Variants in STUB1 observed in about 807,000 individuals in gnomAD.
STUB1 encodes E3 ubiquitin-protein ligase CHIP.
In STUB1, 37 loss-of-function variants were observed where a neutral mutation model predicts 40.3. The observed-to-expected ratio is 0.92, with a 90% CI of 0.71 to 1.21. The LOEUF (loss-of-function observed/expected upper bound fraction) is 1.21. STUB1 is among the 50% of genes most tolerant of loss of function. STUB1 has a pLI of 0.00. For synonymous variants in STUB1, 246 were observed against 171.9 expected (o/e 1.43, Z -3.37); for missense variants, 460 against 421.9 (o/e 1.09, Z -0.79).
At chr16:681,100 T>G (rs2039643030) in intron 1 of STUB1, 52 bp from the exon 2 acceptor site, 1 of 1,512,142 alleles carries the variant, frequency 6.6e-7, no homozygotes, top group South Asian at 1.2e-5. Context: ...TGGGTCAGAG[T>G]GGGCACGCTG....
Position 682,521 on chromosome 16 carries a change from G to A in STUB1, c.*32G>A, listed in dbSNP as rs769967480. 2 of 1,612,090 alleles carry A rather than the reference G, an allele frequency of 1.2e-6. No individual in the cohort carries two copies. Among genetic ancestry groups the A allele is most frequent in the Non-Finnish European group, 8.5e-7 (1 of 1,179,526 alleles). On this transcript the variant is annotated 3_prime_UTR_variant, in exon 7 of 7. Coordinates refer to ENST00000219548, the MANE Select transcript of STUB1 (RefSeq NM_005861.4). ...CTGCCCTACCTGGCGTCCTGGTCCA[G>A]GGGAGCCCTGGGCAGAAGCCCCCGG...
Position 681,812 on chromosome 16 carries a change from C to T in STUB1, c.544C>T (p.Arg182Ter), listed in dbSNP as rs369941408. 3.1e-6 allele frequency: 5 copies of T among 1,602,498 alleles called. No homozygotes were observed. The highest frequency in any genetic ancestry group is 4.3e-6 in the Non-Finnish European group (5 of 1,172,356). Residue 182 changes from arginine to a stop codon, truncating the protein, a stop_gained, in exon 4 of 7, where the codon CGA becomes TGA. Transcript: ENST00000219548. LOFTEE classifies it high-confidence loss of function. ...CCCCAGGGAGCTGGAAGAGTGCCAG[C>T]GAAACCACGAGGGTGATGAGGACGA... ...ERERELEECQ[R>*]NHEGDEDDSH...
chr16:681,836 G>C lies in STUB1; in HGVS notation c.568G>C (p.Asp190His). ...CQRNHEGDED[D>H]SHVRAQQACI... ...GCGAAACCACGAGGGTGATGAGGAC[G>C]ACAGCCACGTCCGGGCCCAGCAGGC... is the stretch of plus-strand genomic sequence containing the variant. Residue 190 changes from aspartate to histidine, a missense_variant, in exon 4 of 7, where the codon GAC becomes CAC. Transcript: ENST00000219548. 1.9e-6 allele frequency: 3 copies of C among 1,610,856 alleles called. No homozygotes were observed. Among genetic ancestry groups the C allele is most frequent in the Non-Finnish European group, 2.5e-6 (3 of 1,178,548 alleles).
Position 681,148 on chromosome 16 carries a change from C to T in STUB1, c.160-4C>T, listed in dbSNP as rs769412843. 1.3e-4 allele frequency: 196 copies of T among 1,553,154 alleles called. No individual in the cohort carries two copies. The highest frequency in any genetic ancestry group is 1.7e-4 in the Non-Finnish European group (195 of 1,148,682). On this transcript the variant is annotated splice_region_variant and splice_polypyrimidine_tract_variant and intron_variant, in intron 1 of 6. Transcript: ENST00000219548. ...CATGCGGCTGGCCCGGCCTTGGTCCCTAGACCCGGAACCCGCTGGTGGCCG... is the reference window on the plus strand; with the variant it reads ...CATGCGGCTGGCCCGGCCTTGGTCCTTAGACCCGGAACCCGCTGGTGGCCG...
chr16:682,760 G>GGT lies in STUB1; in HGVS notation c.*277_*278dup. ...CCGTGAGCACGAGGTGGGACGTGCTGGTGTGTGACCGGCAGTCCTGCCAGC... is the reference window on the plus strand; with the variant it reads ...CCGTGAGCACGAGGTGGGACGTGCTGGTGTGTGTGACCGGCAGTCCTGCCAGC... On this transcript the variant is annotated 3_prime_UTR_variant, in exon 7 of 7. Transcript: ENST00000219548. 1 of 1,607,572 alleles carries GGT rather than the reference G, an allele frequency of 6.2e-7. No individual in the cohort carries two copies.
At chr16:682,137 C>A in intron 5 of STUB1, 28 bp from the exon 6 acceptor site, 1 of 1,593,238 alleles carries the variant, frequency 6.3e-7, no homozygotes, top group Non-Finnish European at 8.6e-7. Context: ...CCCTTTTCAG[C>A]CTCTGACCGT....
chr16:680,807 G>A lies in STUB1; in HGVS notation c.159+123G>A, dbSNP rs528795206. ...GCGTGTCCTCGGCTCCCAAAGCCCA[G>A]CCGTGGTTCTCGAGCCCAGCGCCGG... On this transcript the variant is annotated intron_variant, in intron 1 of 6. Transcript: ENST00000219548. The surrounding 1 kb of genome is among the most constrained non-coding windows in gnomAD (Gnocchi z 4.9). 76 of 1,001,018 alleles carry A rather than the reference G, an allele frequency of 7.6e-5. No homozygotes were observed. The Middle Eastern group carries it at 1.8e-3, about 24-fold the overall frequency. The allele number at this position is 1,001,018 out of a possible 1,614,324, so 62.0% of individuals were successfully genotyped here.
Position 682,569 on chromosome 16 carries a change from C to G in STUB1, c.*80C>G, listed in dbSNP as rs1397544834. On this transcript the variant is annotated 3_prime_UTR_variant, in exon 7 of 7. Coordinates refer to ENST00000219548, the MANE Select transcript of STUB1 (RefSeq NM_005861.4). ...CGGCCCCTATACATAGTTTATGTTCCTGGCCACCCCGACCGCTTCCCCCAA... is the reference window on the plus strand; with the variant it reads ...CGGCCCCTATACATAGTTTATGTTCGTGGCCACCCCGACCGCTTCCCCCAA... 4 of 1,579,278 alleles carry G rather than the reference C, an allele frequency of 2.5e-6. No individual in the cohort carries two copies. Among genetic ancestry groups the G allele is most frequent in the African/African-American group, 1.3e-5 (1 of 74,378 alleles).
chr16:682,168 C>A lies in STUB1; in HGVS notation c.673C>A (p.Arg225=). Residue 225 remains arginine (R), a synonymous_variant, in exon 6 of 7, where the codon CGA becomes AGA. Coordinates refer to ENST00000219548, the MANE Select transcript of STUB1 (RefSeq NM_005861.4). ...ACCGTGTGCCCCTGTGCCACAGAAG[C>A]GAGACATCCCCGACTACCTGTGTGG... ...FSQVDEKRKK[R]DIPDYLCGKI... is the part of the protein sequence containing the mutation. The A allele has an allele frequency of 1.9e-6, 3 of 1,604,618 alleles. No homozygotes were observed. The South Asian group carries it at 3.3e-5, about 18-fold the overall frequency.
rs745809042 is a variant in STUB1 at position 682,085 on chromosome 16, G to T, written c.669+9G>T. On this transcript the variant is annotated intron_variant, in intron 5 of 6. Coordinates refer to ENST00000219548, the MANE Select transcript of STUB1 (RefSeq NM_005861.4). ...TGGATGAGAAGAGGAAGGTGAGTGT[G>T]TGTCGCTTGCTGCCGATGGCTGGCA... is the stretch of plus-strand genomic sequence containing the variant. 5.7e-6 allele frequency: 9 copies of T among 1,581,836 alleles called. No homozygotes were observed. In the Admixed American group the frequency reaches 1.2e-4, roughly 21 times the overall value.
rs894652364 is a variant in STUB1, at chr16:682,552, A to G, written c.*63A>G. 3.1e-6 allele frequency: 5 copies of G among 1,601,936 alleles called. No homozygotes were observed. The highest frequency in any genetic ancestry group is 1.3e-5 in the African/African-American group (1 of 74,666). On this transcript the variant is annotated 3_prime_UTR_variant, in exon 7 of 7. Coordinates refer to ENST00000219548, the MANE Select transcript of STUB1 (RefSeq NM_005861.4). ...CCCTGGGCAGAAGCCCCCGGCCCCT[A>G]TACATAGTTTATGTTCCTGGCCACC...
rs1172826017 is a variant in STUB1, at chr16:682,278, G to A, written c.783G>A (p.Leu261=). The change falls in exon 6 of 7, where the codon CTG becomes CTA. Residue 261 remains leucine, a synonymous_variant. Coordinates refer to ENST00000219548, the MANE Select transcript of STUB1 (RefSeq NM_005861.4). ...TYDRKDIEEH[L]QRVGHFDPVT... ...ACCGCAAGGACATCGAGGAGCACCT[G>A]CAGGTGAGGCCTGCGGCTGGGGGAG... 7 of 1,569,054 alleles carry A rather than the reference G, an allele frequency of 4.5e-6. No individual in the cohort carries two copies. The highest frequency in any genetic ancestry group is 6.0e-6 in the Non-Finnish European group (7 of 1,168,198).
Position 681,314 on chromosome 16 carries a change from G to A in STUB1, c.322G>A (p.Glu108Lys), listed in dbSNP as rs2039647953. 2 of 1,612,900 alleles carry A rather than the reference G, an allele frequency of 1.2e-6. No individual in the cohort carries two copies. Among genetic ancestry groups the A allele is most frequent in the Non-Finnish European group, 8.5e-7 (1 of 1,179,978 alleles). Residue 108 changes from glutamate to lysine, a missense_variant, in exon 2 of 7, where the codon GAG (glutamate) becomes AAG (lysine). Transcript: ENST00000219548. ...CCTGGGGCAGTGCCAGCTGGAGATG[G>A]AGAGCTATGATGAGGCCATCGCCAA... ...FFLGQCQLEM[E>K]SYDEAIANLQ...
chr16:682,616 C>T lies in STUB1; in HGVS notation c.*127C>T. 2.1e-6 allele frequency: 3 copies of T among 1,458,474 alleles called. No homozygotes were observed. The highest frequency in any genetic ancestry group is 2.8e-6 in the Non-Finnish European group (3 of 1,067,572). The allele number at this position is 1,458,474 out of a possible 1,614,324, so 90.3% of individuals were successfully genotyped here. ...CCAAGTTCTGCTGTTGGACTCTGGACTGTTTCCCCTCTCAGCATCGCTTTT... is the reference window on the plus strand; with the variant it reads ...CCAAGTTCTGCTGTTGGACTCTGGATTGTTTCCCCTCTCAGCATCGCTTTT... On this transcript the variant is annotated 3_prime_UTR_variant, in exon 7 of 7. Coordinates refer to ENST00000219548, the MANE Select transcript of STUB1 (RefSeq NM_005861.4).
At position 681,370 on chromosome 16, in the gene STUB1, G is replaced by T; in HGVS notation, c.358+20G>T. ...AGCGAGGTTGGCTGACAAGCTGCCC[G>T]GTTGTGGGGCCTCTGGGGCCAGGCG... On this transcript the variant is annotated intron_variant, in intron 2 of 6. Coordinates refer to ENST00000219548, the MANE Select transcript of STUB1 (RefSeq NM_005861.4). The T allele has an allele frequency of 6.2e-7, 1 of 1,611,952 alleles. No individual in the cohort carries two copies.
At position 680,572 on chromosome 16, in the gene STUB1, G is replaced by A. The variant is rs376705247; in HGVS notation, c.47G>A (p.Gly16Asp). 9 of 1,381,706 alleles carry A rather than the reference G, an allele frequency of 6.5e-6. No individual in the cohort carries two copies. The African/African-American group carries it at 7.5e-5, about 12-fold the overall frequency. 85.6% of individuals were successfully genotyped at this position (1,381,706 alleles called of 1,614,324 possible). A position where few individuals can be genotyped will look rare whatever the true frequency, so the allele number is the denominator to read the frequency against. ...EKEGGARLGA[G>D]GGSPEKSPSA... The stretch of plus-strand genomic sequence containing the variant: ...GAGGGCGGCGCACGGCTGGGCGCTG[G>A]CGGCGGAAGCCCCGAGAAGAGCCCG... Residue 16 changes from glycine (G) to aspartate (D), a missense_variant, in exon 1 of 7, where the codon GGC (glycine) becomes GAC (aspartate). Physicochemically the swap from Gly to Asp is moderately conservative, Grantham distance 94. Coordinates refer to ENST00000219548, the MANE Select transcript of STUB1 (RefSeq NM_005861.4). This position sits in a 1 kb window ranked among gnomAD's most constrained non-coding sequence, Gnocchi z 4.9.
At chr16:681,631 T>C (rs762668822) in intron 3 of STUB1, 28 bp downstream of exon 3, 1 of 1,588,924 alleles carries the variant, frequency 6.3e-7, no homozygotes, top group South Asian at 1.1e-5. Flanking sequence ...GGCCGCCCTG[T>C]CTTGGGATAA....
At position 680,705 on chromosome 16, in the gene STUB1, A is replaced by T; in HGVS notation, c.159+21A>T. ...CGATCGTGAGTGCGCCCGCGCGGGG[A>T]GGGCGGCGGCGGTGGCACCGGGGAG... On this transcript the variant is annotated intron_variant, in intron 1 of 6. Coordinates refer to ENST00000219548, the MANE Select transcript of STUB1 (RefSeq NM_005861.4). The surrounding 1 kb of genome is among the most constrained non-coding windows in gnomAD (Gnocchi z 4.9). 3 of 1,088,142 alleles carry T rather than the reference A, an allele frequency of 2.8e-6. No homozygotes were observed. Among genetic ancestry groups the T allele is most frequent in the African/African-American group, 1.7e-5 (1 of 58,202 alleles). 67.4% of individuals were successfully genotyped at this position (1,088,142 alleles called of 1,614,324 possible).
rs756840635 is a variant in STUB1, at chr16:682,429, G to T, written c.852G>T (p.Leu284Phe). The T allele has an allele frequency of 6.2e-7, 1 of 1,613,462 alleles. No individual in the cohort carries two copies. The highest frequency in any genetic ancestry group is 1.7e-5 in the Admixed American group (1 of 60,030). The part of the protein sequence containing the change: ...PLTQEQLIPN[L>F]AMKEVIDAFI... ...CCCAGGAACAGCTCATCCCCAACTT[G>T]GCTATGAAGGAGGTTATTGACGCAT... The change falls in exon 7 of 7, where the codon TTG (leucine) becomes TTT (phenylalanine). Residue 284 changes from leucine (L) to phenylalanine (F), a missense_variant. Leu to Phe is a conservative substitution (Grantham distance 22). Transcript: ENST00000219548.
Sources: allele counts gnomAD v4.1 joint callset, GRCh38; gene constraint gnomAD v4.1.1; non-coding constraint Gnocchi (gnomAD v3.1); transcripts MANE v1.5; gene names NCBI Gene and HGNC (gene_info 2026-07-23, HGNC 2026-07-21).